Variants in CSMD1 observed in about 807,000 individuals in gnomAD.
CSMD1 encodes the protein CUB and sushi domain-containing protein 1.
CSMD1 carries 213 observed loss-of-function variants against 417.5 expected under a neutral mutation model. The observed-to-expected ratio is 0.51, with a 90% CI of 0.46 to 0.57. The LOEUF (loss-of-function observed/expected upper bound fraction) is 0.57. Among genes scored for constraint, CSMD1 ranks in the 20% least tolerant of loss-of-function variants. The pLI, the probability that CSMD1 is intolerant of heterozygous loss-of-function variation, is 0.00. For missense variants in CSMD1, 6,923 were observed against 4,529.7 expected (o/e 1.53, Z -15.17); for synonymous variants, 2,862 against 1,736.8 (o/e 1.65, Z -16.11).
chr8:3,265,340 G>A (rs1026744280), intron 26 of CSMD1, among the ~76,000 whole-genome samples: 2 of 152,156 alleles, frequency 1.3e-5, no homozygotes, highest in African/African-American at 2.4e-5. Flanking sequence ...ACCTGTGCAC[G>A]CACGATATTC....
At chr8:4,880,757 T>C (rs1803344390) in intron 1 of CSMD1, among the ~76,000 whole-genome samples, 1 of 152,114 alleles carries the variant, frequency 6.6e-6, no homozygotes, top group Non-Finnish European at 1.5e-5. Flanking sequence ...AACAATCTTT[T>C]GCCTTCAATA....
chr8:3,611,706 G>C (rs770587666), intron 8 of CSMD1, among the ~76,000 whole-genome samples: 1 of 151,982 alleles, frequency 6.6e-6, no homozygotes. Flanking sequence ...GAAATACATG[G>C]TAATATCAAC....
At position 4,668,369 on chromosome 8, in the gene CSMD1, C is replaced by G. The variant is rs890342871; in HGVS notation, c.86-30811G>C. 9.3e-5 allele frequency among the ~76,000 whole-genome samples: 14 copies of G among 151,102 alleles called. No individual in the cohort carries two copies. In the East Asian group the frequency reaches 2.5e-3, roughly 27 times the overall value. ...CTTGGGCTGCCTTGAACCCTCGTCT[C>G]TAGCCACTGCCACACACAGCACTCT... On this transcript the variant is annotated intron_variant, in intron 1 of 69. Transcript: ENST00000635120.
At chr8:4,435,179 G>C (rs968047738) in intron 2 of CSMD1, among the ~76,000 whole-genome samples, 1 of 151,940 alleles carries the variant, frequency 6.6e-6, no homozygotes, top group Non-Finnish European at 1.5e-5. Context: ...TTTCAATAGG[G>C]AATATAAATT....
intron 3 of CSMD1, among the ~76,000 whole-genome samples, chr8:4,214,263 A>G (rs1005233944): frequency 6.6e-6 from 1 of 152,200 alleles, no homozygotes; most frequent in Non-Finnish European, 1.5e-5. Context: ...AGACTTTTAC[A>G]AGAAAATTTT....
chr8:3,913,493 G>C (rs371435235), intron 5 of CSMD1, among the ~76,000 whole-genome samples: 1 of 152,158 alleles, frequency 6.6e-6, no homozygotes, highest in Non-Finnish European at 1.5e-5. Flanking sequence ...ATGTGTCCCA[G>C]AAGTGAACAA....
intron 3 of CSMD1, among the ~76,000 whole-genome samples, chr8:4,291,756 T>A (rs1585170876): frequency 6.6e-6 from 1 of 152,330 alleles, no homozygotes; most frequent in Admixed American, 6.5e-5. Context: ...TAAAGAATAT[T>A]AGGCTAACTA....
intron 23 of CSMD1, among the ~76,000 whole-genome samples, chr8:3,319,397 G>A (rs955240525): frequency 2.0e-5 from 3 of 152,074 alleles, no homozygotes; most frequent in African/African-American, 7.2e-5. Flanking sequence ...GTCAATATAA[G>A]ATTCAAATTA....
At chr8:4,279,327 C>A (rs1213428809) in intron 3 of CSMD1, among the ~76,000 whole-genome samples, 2 of 152,184 alleles carry the variant, frequency 1.3e-5, no homozygotes, top group Admixed American at 6.5e-5. Context: ...CACAGTCACA[C>A]ACAAGACTAG....
intron 2 of CSMD1, among the ~76,000 whole-genome samples, chr8:4,455,588 T>A (rs73660859): frequency 2.6e-5 from 4 of 151,984 alleles, no homozygotes; most frequent in African/African-American, 9.7e-5. Flanking sequence ...AATTGACAAA[T>A]TGTGAATTTT....
intron 3 of CSMD1, among the ~76,000 whole-genome samples, chr8:4,294,016 G>T (rs776840760): frequency 6.6e-6 from 1 of 152,176 alleles, no homozygotes; most frequent in Non-Finnish European, 1.5e-5. Context: ...TTTAGGATAA[G>T]AATCAGGACT....
intron 3 of CSMD1, among the ~76,000 whole-genome samples, chr8:4,228,517 C>G (rs931824953): frequency 4.0e-5 from 6 of 151,742 alleles, no homozygotes; most frequent in African/African-American, 1.5e-4. Context: ...CCAGTCAACC[C>G]TGTATCTTGG....
chr8:4,967,460 A>C (rs933963668), intron 1 of CSMD1, among the ~76,000 whole-genome samples: 14 of 152,192 alleles, frequency 9.2e-5, no homozygotes, highest in Admixed American at 7.9e-4. Context: ...TAAGTCTATT[A>C]CCAGTGAATA....
intron 3 of CSMD1, among the ~76,000 whole-genome samples, chr8:4,264,450 A>C (rs1804102068): frequency 1.3e-5 from 2 of 152,206 alleles, no homozygotes; most frequent in South Asian, 4.1e-4. Flanking sequence ...AATTACTGGT[A>C]CACAAATTTG....
intron 25 of CSMD1, among the ~76,000 whole-genome samples, chr8:3,305,315 T>C (rs766529899): frequency 2.0e-5 from 3 of 152,192 alleles, no homozygotes; most frequent in Non-Finnish European, 2.9e-5. Context: ...TTTATCTTGA[T>C]TAATTTTAAA....
At chr8:3,221,880 G>C (rs528564139) in intron 28 of CSMD1, among the ~76,000 whole-genome samples, 1 of 151,882 alleles carries the variant, frequency 6.6e-6, no homozygotes, top group African/African-American at 2.4e-5. Context: ...TTTACCATTA[G>C]TAATGCCAGA....
intron 5 of CSMD1, among the ~76,000 whole-genome samples, chr8:3,761,495 C>CAT (rs1797996111): frequency 7.0e-6 from 1 of 142,234 alleles, no homozygotes. Context: ...TTAATCAAAA[C>CAT]GACCATTTTT....
intron 1 of CSMD1, among the ~76,000 whole-genome samples, chr8:4,716,221 G>A (rs921822265): frequency 6.6e-6 from 1 of 152,168 alleles, no homozygotes; most frequent in Non-Finnish European, 1.5e-5. Context: ...CTAGAGAACA[G>A]AAGGCTGTCT....
At chr8:4,661,433 G>A (rs1033918586) in intron 1 of CSMD1, among the ~76,000 whole-genome samples, 2 of 152,122 alleles carry the variant, frequency 1.3e-5, no homozygotes, top group African/African-American at 4.8e-5. Flanking sequence ...CATTTTTGAA[G>A]TGACAAAAAT....
Sources: allele counts gnomAD v4.1 joint callset (sites outside exome capture counted in the v4.1 genomes callset), GRCh38; gene constraint gnomAD v4.1.1; transcripts MANE v1.5; gene names NCBI Gene and HGNC (gene_info 2026-07-23, HGNC 2026-07-21).